The following KLHL2 variants were observed in gnomAD, a reference collection of about 807,000 sequenced individuals.
KLHL2 encodes kelch-like protein 2.
In KLHL2, 15 loss-of-function variants were observed where a neutral mutation model predicts 75.8. The ratio of observed to expected loss-of-function variants is 0.20; its 90% CI spans 0.13 to 0.30. The LOEUF (loss-of-function observed/expected upper bound fraction) is 0.30, where lower values mean the gene tolerates loss of function less well. Ranked by LOEUF, KLHL2 falls within the 10% of genes least tolerant of loss-of-function variation. KLHL2 has a pLI of 1.00. For missense variants in KLHL2, 381 were observed against 741.0 expected, an observed-to-expected ratio of 0.51 and a Z score of 5.64; for synonymous variants, 214 against 251.9, an observed-to-expected ratio of 0.85 and a Z score of 1.42.
At chr4:165,304,361 ATTCT>A (rs752148630) in intron 8 of KLHL2, among the ~76,000 whole-genome samples, 7 of 152,016 alleles carry the variant, frequency 4.6e-5, no homozygotes, top group Non-Finnish European at 8.8e-5. Flanking sequence ...TCTTTCTTTA[ATTCT>A]AAGTACAGGT....
intron 4 of KLHL2, among the ~76,000 whole-genome samples, chr4:165,251,610 T>G (rs1197110844): frequency 2.9e-5 from 4 of 140,342 alleles, no homozygotes; most frequent in Admixed American, 2.1e-4. Flanking sequence ...TGGTTTTTTT[T>G]TTTTGTTTTT....
intron 4 of KLHL2, among the ~76,000 whole-genome samples, chr4:165,260,158 T>C (rs1225149536): frequency 1.3e-5 from 2 of 152,196 alleles, no homozygotes; most frequent in African/African-American, 4.8e-5. Flanking sequence ...CTTTTGAAGC[T>C]GTATATAATT....
intron 5 of KLHL2, among the ~76,000 whole-genome samples, chr4:165,271,803 G>A (rs1264191265): frequency 1.3e-5 from 2 of 152,176 alleles, no homozygotes; most frequent in Non-Finnish European, 2.9e-5. Context: ...AGTTCCTGTG[G>A]AAGCTTCTGT....
intron 5 of KLHL2, among the ~76,000 whole-genome samples, chr4:165,267,066 T>A (rs1742299612): frequency 6.6e-6 from 1 of 152,208 alleles, no homozygotes. Flanking sequence ...CTAGGTATTT[T>A]ATTCTCTTTT....
At chr4:165,230,411 A>G (rs1738788615) in intron 3 of KLHL2, among the ~76,000 whole-genome samples, 1 of 152,336 alleles carries the variant, frequency 6.6e-6, no homozygotes, top group Admixed American at 6.5e-5. Context: ...TAAAGATTAA[A>G]TGAGATCATA....
intron 3 of KLHL2, among the ~76,000 whole-genome samples, chr4:165,231,561 T>A (rs777171021): frequency 3.3e-5 from 5 of 152,252 alleles, no homozygotes; most frequent in Admixed American, 6.5e-5. Context: ...GTTTTTGAGG[T>A]TCATCCGTGT....
At chr4:165,219,885 A>G in intron 1 of KLHL2, 49 bp from the exon 2 acceptor site, 1 of 1,544,412 alleles carries the variant, frequency 6.5e-7, no homozygotes, top group East Asian at 2.3e-5. Context: ...GAACTAAATG[A>G]TCTTTAATAA....
Position 165,210,053 on chromosome 4 carries a change from A to C in KLHL2, c.26+2151A>C, listed in dbSNP as rs1737099235. 1.9e-6 allele frequency: 3 copies of C among 1,550,256 alleles called. No homozygotes were observed. In the South Asian group the frequency reaches 3.6e-5, roughly 18 times the overall value. On this transcript the variant is annotated intron_variant, in intron 1 of 14. Coordinates refer to ENST00000226725, the MANE Select transcript of KLHL2 (RefSeq NM_007246.4). ...GCTGGGCTAGAACAGAGGCCAGTGGAAACTATTAGGAAGACTCAGCTTTTC... is the reference window on the plus strand; with the variant it reads ...GCTGGGCTAGAACAGAGGCCAGTGGCAACTATTAGGAAGACTCAGCTTTTC...
Position 165,305,732 on chromosome 4 carries a change from A to T in KLHL2, c.1039+7A>T. On this transcript the variant is annotated splice_region_variant and intron_variant, in intron 9 of 14. Transcript: ENST00000226725. The stretch of plus-strand genomic sequence containing the variant: ...TCCAGGAGGTGCAGGGCAGGTAAGC[A>T]TGATGCATCATGGTCAATTCTCTAC... 6.4e-7 allele frequency: 1 copy of T among 1,560,528 alleles called. No homozygotes were observed. Among genetic ancestry groups the T allele is most frequent in the Non-Finnish European group, 8.8e-7 (1 of 1,131,038 alleles).
intron 4 of KLHL2, among the ~76,000 whole-genome samples, chr4:165,243,750 A>G (rs1740005303): frequency 6.6e-6 from 1 of 152,222 alleles, no homozygotes; most frequent in Non-Finnish European, 1.5e-5. Context: ...TATGCTGTAT[A>G]GATAGTGTTT....
At chr4:165,249,959 C>T (rs1172485068) in intron 4 of KLHL2, among the ~76,000 whole-genome samples, 5 of 152,078 alleles carry the variant, frequency 3.3e-5, no homozygotes, top group Non-Finnish European at 5.9e-5. Flanking sequence ...CCCGTCTCTA[C>T]TAAAAATACA....
intron 1 of KLHL2, among the ~76,000 whole-genome samples, chr4:165,218,682 A>C (rs1162102856): frequency 6.6e-6 from 1 of 152,182 alleles, no homozygotes; most frequent in African/African-American, 2.4e-5. Flanking sequence ...GATATATTCC[A>C]AGTGCCTTAA....
In KLHL2 at chr4:165,242,121, G is replaced by A. The variant is rs1011745255; in HGVS notation, c.381+3222G>A. On this transcript the variant is annotated intron_variant, in intron 4 of 14. Transcript: ENST00000226725. ...TGAATTTACAGGTTTTTTTTTAAAG[G>A]GAGATAAAAGGAGAACCAATATTTT... 4.6e-5 allele frequency among the ~76,000 whole-genome samples: 7 copies of A among 152,080 alleles called. 1 individual carries two copies. The highest frequency in any genetic ancestry group is 1.3e-4 in the Admixed American group (2 of 15,290).
chr4:165,313,447 T>TTAC (rs1359482712), intron 12 of KLHL2, 81 bp downstream of exon 12: 2 of 1,254,646 alleles, frequency 1.6e-6, no homozygotes, highest in Non-Finnish European at 1.1e-6. Flanking sequence ...TGGCATCACT[T>TTAC]TACATTATCT....
At chr4:165,216,293 G>A (rs927193688) in intron 1 of KLHL2, among the ~76,000 whole-genome samples, 3 of 152,164 alleles carry the variant, frequency 2.0e-5, no homozygotes, top group African/African-American at 7.2e-5. Context: ...CTGAAGGAAG[G>A]CTTTAGGATA....
Position 165,322,274 on chromosome 4 carries a change from G to C in KLHL2, c.*214G>C. 1.9e-6 allele frequency: 1 copy of C among 539,420 alleles called. No individual in the cohort carries two copies. Among genetic ancestry groups the C allele is most frequent in the South Asian group, 2.6e-5 (1 of 39,120 alleles). The allele number at this position is 539,420 out of a possible 1,614,324, so 33.4% of individuals were successfully genotyped here. Reference sequence around the variant, plus strand: ...TTTCTGCAATGAGCAGCAGCTGACTGAATTTTCATAAGAAACTTGGACTGC... The same window carrying C: ...TTTCTGCAATGAGCAGCAGCTGACTCAATTTTCATAAGAAACTTGGACTGC... On this transcript the variant is annotated 3_prime_UTR_variant, in exon 15 of 15. Coordinates refer to ENST00000226725, the MANE Select transcript of KLHL2 (RefSeq NM_007246.4).
intron 3 of KLHL2, 111 bp downstream of exon 3, chr4:165,229,024 T>C (rs1409340217): frequency 4.8e-6 from 3 of 631,178 alleles, no homozygotes; most frequent in Non-Finnish European, 8.3e-6. Context: ...TGAAGAATTA[T>C]AGTGGAAGAA....
chr4:165,243,955 A>G (rs1473715235), intron 4 of KLHL2, among the ~76,000 whole-genome samples: 1 of 152,240 alleles, frequency 6.6e-6, no homozygotes, highest in Non-Finnish European at 1.5e-5. Context: ...ATTGTATTCC[A>G]ATCTTTGTTT....
In KLHL2 at chr4:165,319,958, G is replaced by T. The variant is rs115008568; in HGVS notation, c.1753+1989G>T. On this transcript the variant is annotated intron_variant, in intron 14 of 14. Coordinates refer to ENST00000226725, the MANE Select transcript of KLHL2 (RefSeq NM_007246.4). This position sits in a 1 kb window ranked among gnomAD's most constrained non-coding sequence, Gnocchi z 4.5. ...AAGGAAGGTGAAGGATCTAAAGCTGGAGAATTTCCTCAGCCTACTCAAGCA... is the reference window on the plus strand; with the variant it reads ...AAGGAAGGTGAAGGATCTAAAGCTGTAGAATTTCCTCAGCCTACTCAAGCA... Among the ~76,000 whole-genome samples the T allele has an allele frequency of 6.2e-3, 951 of 152,232 alleles. 8 individuals carry two copies. Among genetic ancestry groups the T allele is most frequent in the African/African-American group, 0.022 (913 of 41,528 alleles).
Sources: gnomAD v4.1 joint callset for allele counts (sites outside exome capture counted in the v4.1 genomes callset) on GRCh38, gnomAD v4.1.1 for gene constraint, Gnocchi (gnomAD v3.1) non-coding constraint, MANE v1.5 for transcripts, NCBI Gene and HGNC (gene_info 2026-07-23, HGNC 2026-07-21) for gene names.